Variants in B3GAT3 observed in about 807,000 individuals in gnomAD.
B3GAT3 encodes beta-1,3-glucuronyltransferase 3.
B3GAT3 carries 19 observed loss-of-function variants against 33.1 expected under a neutral mutation model. That is an observed-to-expected ratio of 0.57 (90% CI 0.40 to 0.84). The LOEUF is 0.84. B3GAT3 is among the 40% of genes least tolerant of loss of function. The pLI is 0.00. For missense variants in B3GAT3, 344 were observed against 441.5 expected, an observed-to-expected ratio of 0.78 and a Z score of 1.98; for synonymous variants, 167 against 193.5, an observed-to-expected ratio of 0.86 and a Z score of 1.14.
At chr11:62,620,973 TA>T in intron 1 of B3GAT3, 1 of 542,266 alleles carries the variant, frequency 1.8e-6, no homozygotes, top group Non-Finnish European at 3.5e-6. Context: ...CTCATGTCCT[TA>T]AACAGGACAG....
intron 2 of B3GAT3, among the ~76,000 whole-genome samples, chr11:62,619,076 G>A (rs1013142042): frequency 1.4e-4 from 21 of 152,000 alleles, no homozygotes; most frequent in East Asian, 3.9e-4. Flanking sequence ...GCTTGAACCC[G>A]GGAGGTGGAG....
Position 62,615,748 on chromosome 11 carries a change from G to C in B3GAT3, c.961C>G (p.Gln321Glu). The C allele has an allele frequency of 6.2e-7, 1 of 1,613,988 alleles. No homozygotes were observed. The highest frequency in any genetic ancestry group is 8.5e-7 in the Non-Finnish European group (1 of 1,180,040). The change falls in exon 5 of 5, where the codon CAG (glutamine) becomes GAG (glutamate). Residue 321 changes from glutamine (Q) to glutamate (E), a missense_variant. Gln to Glu is a conservative substitution (Grantham distance 29, BLOSUM62 2). Coordinates refer to ENST00000265471, the MANE Select transcript of B3GAT3 (RefSeq NM_012200.4). ...GAGCCCCGGCCCTGCCGCTGCAGCT[G>C]CTCCTCCTGCTTCATCTTGGGCTTC... is the stretch of plus-strand genomic sequence containing the variant. ...TEKPKMKQEE[Q>E]LQRQGRGSDP...
intron 1 of B3GAT3, 102 bp from the exon 2 acceptor site, chr11:62,620,773 A>C: frequency 2.6e-6 from 3 of 1,173,254 alleles, no homozygotes; most frequent in Non-Finnish European, 3.7e-6. Context: ...TTCCTAACCA[A>C]TGCAGGTATC....
chr11:62,615,985 T>C, intron 4 of B3GAT3, 186 bp from the exon 5 acceptor site: 2 of 1,462,452 alleles, frequency 1.4e-6, no homozygotes, highest in African/African-American at 1.4e-5. Flanking sequence ...GGCTCACGCC[T>C]GTAACCCCAG....
At chr11:62,620,211 C>T (rs903979663) in intron 2 of B3GAT3, among the ~76,000 whole-genome samples, 5 of 151,576 alleles carry the variant, frequency 3.3e-5, no homozygotes, top group African/African-American at 4.8e-5. Context: ...TTAGTAGAGA[C>T]GGGGTTTTGC....
At chr11:62,619,233 C>T (rs1313972116) in intron 2 of B3GAT3, among the ~76,000 whole-genome samples, 4 of 151,452 alleles carry the variant, frequency 2.6e-5, no homozygotes, top group Non-Finnish European at 5.9e-5. Flanking sequence ...CTCTTCTGTA[C>T]TTCTTTATCC....
At chr11:62,619,837 C>G (rs1162009806) in intron 2 of B3GAT3, among the ~76,000 whole-genome samples, 1 of 150,846 alleles carries the variant, frequency 6.6e-6, no homozygotes, top group African/African-American at 2.4e-5. Context: ...AGCCACTGCG[C>G]CCAGACAAGC....
chr11:62,621,821 G>C, intron 1 of B3GAT3, 45 bp downstream of exon 1: 1 of 1,538,788 alleles, frequency 6.5e-7, no homozygotes, highest in Non-Finnish European at 8.7e-7. Flanking sequence ...ACGGCGGCGG[G>C]CGCCCTCGGG....
intron 4 of B3GAT3, 171 bp from the exon 5 acceptor site, chr11:62,615,970 C>A (rs551323565): frequency 8.7e-6 from 13 of 1,488,382 alleles, no homozygotes; most frequent in Non-Finnish European, 1.2e-5. Flanking sequence ...CTTGGCCGGG[C>A]GCGTGGCTCA....
At chr11:62,620,814 T>A (rs1244095479) in intron 1 of B3GAT3, 143 bp from the exon 2 acceptor site, 2 of 748,696 alleles carry the variant, frequency 2.7e-6, no homozygotes, top group Non-Finnish European at 4.3e-6. Flanking sequence ...GCCTTTTCTA[T>A]ACCTCTCGTG....
Position 62,617,215 on chromosome 11 carries a change from G to A in B3GAT3, c.390C>T (p.Leu130=), listed in dbSNP as rs199692040. 6.8e-6 allele frequency: 11 copies of A among 1,613,744 alleles called. No individual in the cohort carries two copies. The Admixed American group carries it at 1.5e-4, about 22-fold the overall frequency. ...LVSGLLAASG[L]LFTHLVVLTP... ...TGAGGACCACCAGGTGTGTGAAGAG[G>A]AGGCCAGAGGCAGCCAGCAGCCCTG... is the stretch of plus-strand genomic sequence containing the variant. The change falls in exon 3 of 5, where the codon CTC becomes CTT. Residue 130 remains leucine (L), a synonymous_variant. Transcript: ENST00000265471.
chr11:62,615,518 G>C lies in B3GAT3; in HGVS notation c.*183C>G, dbSNP rs759241398. The C allele has an allele frequency of 1.2e-4, 136 of 1,151,218 alleles. No individual in the cohort carries two copies. Among genetic ancestry groups the C allele is most frequent in the Middle Eastern group, 2.9e-4 (1 of 3,488 alleles). 71.3% of individuals were successfully genotyped at this position (1,151,218 alleles called of 1,614,324 possible). On this transcript the variant is annotated 3_prime_UTR_variant, in exon 5 of 5. Transcript: ENST00000265471. ...GCTGCTTGTCCCCAGCCTGTGGGCA[G>C]TGCCACACGGCAGGCTAGGGGAGGG...
chr11:62,616,328 CAGG>C (rs1943026460), intron 4 of B3GAT3, 175 bp downstream of exon 4: 4 of 889,286 alleles, frequency 4.5e-6, no homozygotes, highest in Middle Eastern at 2.2e-4. Context: ...GGCAGAGTGG[CAGG>C]AGACCACTTT....
intron 4 of B3GAT3, 174 bp from the exon 5 acceptor site, chr11:62,615,973 G>A (rs1193796829): frequency 8.8e-6 from 13 of 1,483,868 alleles, no homozygotes; most frequent in Admixed American, 2.1e-5. Context: ...GGCCGGGCGC[G>A]TGGCTCACGC....
chr11:62,615,644 G>T lies in B3GAT3; in HGVS notation c.*57C>A, dbSNP rs1943006901. ...AAACCACATCCTGGGCAGGCCTGGG[G>T]CCCAGTCCCACAAGGTCTGTGCCTG... On this transcript the variant is annotated 3_prime_UTR_variant, in exon 5 of 5. Transcript: ENST00000265471. 4 of 1,585,122 alleles carry T rather than the reference G, an allele frequency of 2.5e-6. No individual in the cohort carries two copies.
intron 4 of B3GAT3, 61 bp downstream of exon 4, chr11:62,616,445 A>C (rs1590774061): frequency 6.2e-7 from 1 of 1,608,774 alleles, no homozygotes; most frequent in Non-Finnish European, 8.5e-7. Flanking sequence ...GTCTCACTGT[A>C]CCTCCCCCAT....
At position 62,616,512 on chromosome 11, in the gene B3GAT3, G is replaced by A. The variant is rs1277272200; in HGVS notation, c.903C>T (p.Cys301=). Residue 301 remains cysteine (C), a synonymous_variant, in exon 4 of 5, where the codon TGC becomes TGT. Coordinates refer to ENST00000265471, the MANE Select transcript of B3GAT3 (RefSeq NM_012200.4). The part of the protein sequence containing the change: ...PKDLEPRAAN[C]TRVLVWHTRT... ...CCCATCTCCATTCCCTTACCCGAGTGCAGTTGGCAGCCCGTGGCTCCAGGT... is the reference window on the plus strand; with the variant it reads ...CCCATCTCCATTCCCTTACCCGAGTACAGTTGGCAGCCCGTGGCTCCAGGT... 6.2e-6 allele frequency: 10 copies of A among 1,614,044 alleles called. No individual in the cohort carries two copies. The highest frequency in any genetic ancestry group is 7.6e-6 in the Non-Finnish European group (9 of 1,180,052).
intron 4 of B3GAT3, 167 bp from the exon 5 acceptor site, chr11:62,615,966 CGG>C (rs1342444666): frequency 2.7e-5 from 40 of 1,492,682 alleles, no homozygotes; most frequent in Non-Finnish European, 3.6e-5. Context: ...GGGCCTTGGC[CGG>C]GCGCGTGGCT....
Position 62,615,505 on chromosome 11 carries a change from C to G in B3GAT3, c.*196G>C, listed in dbSNP as rs1943004100. The G allele has an allele frequency of 1.9e-6, 2 of 1,030,176 alleles. No individual in the cohort carries two copies. Among genetic ancestry groups the G allele is most frequent in the Admixed American group, 4.6e-5 (2 of 43,652 alleles). The allele number at this position is 1,030,176 out of a possible 1,614,324, so 63.8% of individuals were successfully genotyped here. On this transcript the variant is annotated 3_prime_UTR_variant, in exon 5 of 5. Coordinates refer to ENST00000265471, the MANE Select transcript of B3GAT3 (RefSeq NM_012200.4). ...ACTCAACACAAGGGCTGCTTGTCCCCAGCCTGTGGGCAGTGCCACACGGCA... is the reference window on the plus strand; with the variant it reads ...ACTCAACACAAGGGCTGCTTGTCCCGAGCCTGTGGGCAGTGCCACACGGCA...
Sources: gnomAD v4.1 joint callset for allele counts (sites outside exome capture counted in the v4.1 genomes callset) on GRCh38, gnomAD v4.1.1 for gene constraint, MANE v1.5 for transcripts, NCBI Gene and HGNC (gene_info 2026-07-23, HGNC 2026-07-21) for gene names.